The following KHDRBS2 variants were observed in gnomAD, a reference collection of about 807,000 sequenced individuals.
The protein encoded by KHDRBS2 is KH RNA binding domain containing, signal transduction associated 2.
In KHDRBS2, 26 loss-of-function variants were observed where a neutral mutation model predicts 44.3. The ratio of observed to expected loss-of-function variants is 0.59; its 90% CI spans 0.43 to 0.81. The LOEUF (loss-of-function observed/expected upper bound fraction) is 0.81. Ranked by LOEUF, KHDRBS2 falls within the 40% of genes least tolerant of loss-of-function variation. KHDRBS2 has a pLI of 0.00. For synonymous variants in KHDRBS2, 194 were observed against 151.1 expected (o/e 1.28, Z -2.08); for missense variants, 476 against 433.1 (o/e 1.10, Z -0.88).
At chr6:61,776,825 A>T (rs1782108938) in intron 6 of KHDRBS2, among the ~76,000 whole-genome samples, 1 of 152,240 alleles carries the variant, frequency 6.6e-6, no homozygotes, top group Non-Finnish European at 1.5e-5. Context: ...GCTGCTATAA[A>T]GTCACATGCA....
At chr6:61,876,874 T>C (rs1799480440) in intron 6 of KHDRBS2, among the ~76,000 whole-genome samples, 1 of 152,038 alleles carries the variant, frequency 6.6e-6, no homozygotes, top group Non-Finnish European at 1.5e-5. Flanking sequence ...GACTTCTTTT[T>C]GCCATCATTG....
At chr6:61,708,311 C>G (rs1769923773) in intron 7 of KHDRBS2, among the ~76,000 whole-genome samples, 1 of 151,488 alleles carries the variant, frequency 6.6e-6, no homozygotes, top group South Asian at 2.1e-4. Flanking sequence ...AATATCTCAA[C>G]AATTTTTACT....
intron 6 of KHDRBS2, among the ~76,000 whole-genome samples, chr6:61,848,288 C>T (rs1212190127): frequency 2.0e-5 from 3 of 150,460 alleles, no homozygotes; most frequent in Admixed American, 6.7e-5. Flanking sequence ...GACTACCTTA[C>T]CTCTATTTCA....
At chr6:62,050,193 A>G (rs1264395639) in intron 2 of KHDRBS2, among the ~76,000 whole-genome samples, 1 of 152,066 alleles carries the variant, frequency 6.6e-6, no homozygotes, top group Admixed American at 6.6e-5. Context: ...TGACATAGGA[A>G]CAGAAAACCA....
chr6:61,856,380 C>T (rs1796153187), intron 6 of KHDRBS2, among the ~76,000 whole-genome samples: 1 of 152,048 alleles, frequency 6.6e-6, no homozygotes, highest in South Asian at 2.1e-4. Context: ...TTTATTTTTA[C>T]TTCTATGCAA....
intron 8 of KHDRBS2, among the ~76,000 whole-genome samples, chr6:61,690,697 A>G (rs1183087295): frequency 1.3e-5 from 2 of 152,008 alleles, no homozygotes; most frequent in Non-Finnish European, 2.9e-5. Context: ...ACAATGTTTG[A>G]TTACAAAATA....
chr6:61,867,254 T>C (rs1797930885), intron 6 of KHDRBS2, among the ~76,000 whole-genome samples: 2 of 152,328 alleles, frequency 1.3e-5, no homozygotes, highest in East Asian at 3.9e-4. Flanking sequence ...CTTACATGTA[T>C]GGCAGCAGGC....
rs559785623 is a variant in KHDRBS2, at chr6:61,982,464, G to A, written c.337-4252C>T. 1.2e-4 allele frequency among the ~76,000 whole-genome samples: 18 copies of A among 151,982 alleles called. No individual in the cohort carries two copies. In the East Asian group the frequency reaches 3.3e-3, roughly 28 times the overall value. ...AGGAGGGCGGATCACGAGGTCAGGA[G>A]ATCGAGACCATCCTGGCTAACACAG... On this transcript the variant is annotated intron_variant, in intron 3 of 8. Coordinates refer to ENST00000281156, the MANE Select transcript of KHDRBS2 (RefSeq NM_152688.4).
At chr6:61,647,123 T>A in the KHDRBS2 span, among the ~76,000 whole-genome samples, 2 of 152,084 alleles carry the variant, frequency 1.3e-5, no homozygotes, top group East Asian at 3.9e-4. Flanking sequence ...CTGGCCCATA[T>A]GGTAAAAATT....
intron 2 of KHDRBS2, among the ~76,000 whole-genome samples, chr6:62,119,739 C>T (rs551492985): frequency 7.9e-5 from 12 of 152,326 alleles, no homozygotes; most frequent in African/African-American, 2.4e-4. Context: ...TCCACTCACA[C>T]TGCCATCAGT....
chr6:61,637,087 G>T, the KHDRBS2 span, among the ~76,000 whole-genome samples: 1 of 151,848 alleles, frequency 6.6e-6, no homozygotes, highest in Non-Finnish European at 1.5e-5. Flanking sequence ...CAATGTGCAG[G>T]TTTGTTACAT....
the KHDRBS2 span, among the ~76,000 whole-genome samples, chr6:61,645,534 A>AAAAT: frequency 6.6e-4 from 101 of 151,978 alleles, no homozygotes; most frequent in South Asian, 3.1e-3. Context: ...TAAAAAAAAA[A>AAAAT]AGGTATTTGA....
intron 3 of KHDRBS2, among the ~76,000 whole-genome samples, chr6:62,008,428 A>T (rs1285841084): frequency 6.6e-6 from 1 of 152,236 alleles, no homozygotes; most frequent in Non-Finnish European, 1.5e-5. Flanking sequence ...ATATATATGT[A>T]CATAACTTTT....
At chr6:61,976,600 T>C (rs1281788066) in intron 4 of KHDRBS2, among the ~76,000 whole-genome samples, 1 of 152,108 alleles carries the variant, frequency 6.6e-6, no homozygotes, top group Non-Finnish European at 1.5e-5. Context: ...ATTTTCTAAG[T>C]CCTTTCATAT....
the KHDRBS2 span, among the ~76,000 whole-genome samples, chr6:61,595,712 G>A: frequency 1.3e-5 from 2 of 151,580 alleles, no homozygotes; most frequent in East Asian, 1.9e-4. Context: ...TTATAAAAAT[G>A]TTTTCTCAAT....
At chr6:62,184,649 G>A (rs1207636778) in intron 1 of KHDRBS2, among the ~76,000 whole-genome samples, 1 of 151,760 alleles carries the variant, frequency 6.6e-6, no homozygotes, top group Non-Finnish European at 1.5e-5. Context: ...TTTCCAGGGA[G>A]TGGGCAATTA....
chr6:62,265,080 T>C (rs1326522208), intron 1 of KHDRBS2, among the ~76,000 whole-genome samples: 2 of 151,950 alleles, frequency 1.3e-5, no homozygotes, highest in African/African-American at 2.4e-5. Context: ...AATGATTAAG[T>C]GAGCTTGGGC....
At chr6:61,835,490 C>G (rs1792501250) in intron 6 of KHDRBS2, among the ~76,000 whole-genome samples, 1 of 151,956 alleles carries the variant, frequency 6.6e-6, no homozygotes, top group African/African-American at 2.4e-5. Flanking sequence ...CACAGTGCCA[C>G]TGCCAAGATC....
chr6:62,133,267 T>A (rs1448339266), intron 2 of KHDRBS2, among the ~76,000 whole-genome samples: 15 of 152,106 alleles, frequency 9.9e-5, no homozygotes, highest in Non-Finnish European at 1.9e-4. Flanking sequence ...AGAGACACAG[T>A]GGGAGATAAC....
Sources: allele counts gnomAD v4.1 joint callset (sites outside exome capture counted in the v4.1 genomes callset), GRCh38; gene constraint gnomAD v4.1.1; transcripts MANE v1.5; gene names NCBI Gene and HGNC (gene_info 2026-07-23, HGNC 2026-07-21).